Variants in ESCO2 observed in about 807,000 individuals in gnomAD.
The protein encoded by ESCO2 is establishment of sister chromatid cohesion N-acetyltransferase 2, also known as N-acetyltransferase ESCO2.
ESCO2 carries 51 observed loss-of-function variants against 61.7 expected under a neutral mutation model. The ratio of observed to expected loss-of-function variants is 0.83; its 90% CI spans 0.66 to 1.04. The LOEUF (loss-of-function observed/expected upper bound fraction) is 1.04, where lower values mean the gene tolerates loss of function less well. Among genes scored for constraint, ESCO2 ranks in the 50% least tolerant of loss-of-function variants. ESCO2 has a pLI of 0.00. For synonymous variants in ESCO2, 230 were observed against 238.2 expected, an observed-to-expected ratio of 0.97 and a Z score of 0.32; for missense variants, 692 against 686.2, an observed-to-expected ratio of 1.01 and a Z score of -0.09.
chr8:27,788,785 C>G, intron 6 of ESCO2, 62 bp from the exon 7 acceptor site: 1 of 1,601,392 alleles, frequency 6.2e-7, no homozygotes. Context: ...GTTATAGGAA[C>G]TTAATTTAGA....
chr8:27,807,314 C>T (rs149922874), downstream of ESCO2, among the ~76,000 whole-genome samples: 16 of 152,266 alleles, frequency 1.1e-4, no homozygotes, highest in East Asian at 3.1e-3. Flanking sequence ...AGCTCTCAAA[C>T]ATCTTGAACA....
At chr8:27,795,313 T>C (rs544337033) in intron 9 of ESCO2, among the ~76,000 whole-genome samples, 8 of 152,334 alleles carry the variant, frequency 5.3e-5, no homozygotes, top group Non-Finnish European at 1.0e-4. Flanking sequence ...CTTTTTAAGA[T>C]AGATCATAGT....
At chr8:27,791,897 T>A in intron 7 of ESCO2, 66 bp from the exon 8 acceptor site, 1 of 1,347,556 alleles carries the variant, frequency 7.4e-7, no homozygotes, top group Non-Finnish European at 1.1e-6. Context: ...CACATCAAAT[T>A]ATTTAATGTT....
At chr8:27,819,055 T>C in the ESCO2 span, among the ~76,000 whole-genome samples, 10 of 152,324 alleles carry the variant, frequency 6.6e-5, no homozygotes, top group South Asian at 2.1e-3. Flanking sequence ...TCATGTTCTA[T>C]TTTTCTGCCT....
At chr8:27,786,237 G>A (rs1805038672) in intron 5 of ESCO2, among the ~76,000 whole-genome samples, 1 of 152,186 alleles carries the variant, frequency 6.6e-6, no homozygotes, top group African/African-American at 2.4e-5. Flanking sequence ...AAAGACAAAA[G>A]GATCTTTTTA....
intron 6 of ESCO2, among the ~76,000 whole-genome samples, 184 bp from the exon 7 acceptor site, chr8:27,788,663 C>T (rs1805104534): frequency 6.6e-6 from 1 of 151,862 alleles, no homozygotes; most frequent in African/African-American, 2.4e-5. Context: ...CTGGCCTGAT[C>T]TCATTTCATT....
At chr8:27,811,807 T>C (rs1473778141), downstream of ESCO2, among the ~76,000 whole-genome samples, 1 of 152,228 alleles carries the variant, frequency 6.6e-6, no homozygotes, top group African/African-American at 2.4e-5. Flanking sequence ...TATATCTTAC[T>C]GAATTTTCTC....
At position 27,803,711 on chromosome 8, in the gene ESCO2, G is replaced by A; in HGVS notation, c.*273G>A. On this transcript the variant is annotated 3_prime_UTR_variant, in exon 11 of 11. Coordinates refer to ENST00000305188, the MANE Select transcript of ESCO2 (RefSeq NM_001017420.3). ...GAATGTTTAATTATGAAACTTTGTAGCTATAACTGGAAAATTACCTGACTC... is the reference window on the plus strand; with the variant it reads ...GAATGTTTAATTATGAAACTTTGTAACTATAACTGGAAAATTACCTGACTC... 8.4e-7 allele frequency: 1 copy of A among 1,195,866 alleles called. No homozygotes were observed. Among genetic ancestry groups the A allele is most frequent in the Non-Finnish European group, 1.0e-6 (1 of 962,278 alleles). 74.1% of individuals were successfully genotyped at this position (1,195,866 alleles called of 1,614,324 possible). A position where few individuals can be genotyped will look rare whatever the true frequency, so the allele number is the denominator to read the frequency against.
the ESCO2 span, among the ~76,000 whole-genome samples, chr8:27,819,119 TCTG>T: frequency 6.6e-6 from 1 of 152,178 alleles, no homozygotes; most frequent in African/African-American, 2.4e-5. Flanking sequence ...AAACTTTTTA[TCTG>T]CTCAGGAAGA....
Position 27,799,603 on chromosome 8 carries a change from G to A in ESCO2, c.1560G>A (p.Arg520=). 6.2e-7 allele frequency: 1 copy of A among 1,613,846 alleles called. No homozygotes were observed. Among genetic ancestry groups the A allele is most frequent in the Non-Finnish European group, 8.5e-7 (1 of 1,179,978 alleles). ...CCCCAAGCTCTACGGAATGTCCTAGGGCTTGGCAATGTTCAGATGTACCAG... is the reference window on the plus strand; with the variant it reads ...CCCCAAGCTCTACGGAATGTCCTAGAGCTTGGCAATGTTCAGATGTACCAG... ...PESPSSTECP[R]AWQCSDVPEP... is the part of the protein sequence containing the mutation. The change falls in exon 10 of 11, where the codon AGG becomes AGA. Residue 520 remains arginine (R), a synonymous_variant. Transcript: ENST00000305188.
At chr8:27,806,858 C>T (rs550884277), downstream of ESCO2, among the ~76,000 whole-genome samples, 1 of 152,184 alleles carries the variant, frequency 6.6e-6, no homozygotes, top group South Asian at 2.1e-4. Context: ...TCCAATAATC[C>T]ACCCACTTCA....
rs1805378816 is a variant in ESCO2 at position 27,799,597 on chromosome 8, T to A, written c.1554T>A (p.Cys518Ter). 6.2e-7 allele frequency: 1 copy of A among 1,614,010 alleles called. No individual in the cohort carries two copies. Among genetic ancestry groups the A allele is most frequent in the Non-Finnish European group, 8.5e-7 (1 of 1,180,000 alleles). ...IGPESPSSTE[C>*]PRAWQCSDVP... is the part of the protein sequence containing the mutation. ...CAGAATCCCCAAGCTCTACGGAATGTCCTAGGGCTTGGCAATGTTCAGATG... is the reference window on the plus strand; with the variant it reads ...CAGAATCCCCAAGCTCTACGGAATGACCTAGGGCTTGGCAATGTTCAGATG... Residue 518 changes from cysteine to a stop codon, truncating the protein, a stop_gained, in exon 10 of 11, where the codon TGT becomes TGA. Coordinates refer to ENST00000305188, the MANE Select transcript of ESCO2 (RefSeq NM_001017420.3). LOFTEE classifies it high-confidence loss of function.
Position 27,804,752 on chromosome 8 carries a change from TG to T in ESCO2, c.*1316del, listed in dbSNP as rs1805524806. ...AAAAGCCTGGGTCCCCAAAAGAATG[TG>T]GAAGTATTAAAATGTATGTAATTAT... On this transcript the variant is annotated 3_prime_UTR_variant, in exon 11 of 11. Transcript: ENST00000305188. The T allele has an allele frequency of 1.5e-5, 15 of 984,286 alleles. No homozygotes were observed. The highest frequency in any genetic ancestry group is 1.8e-5 in the Non-Finnish European group (15 of 828,874). The allele number at this position is 984,286 out of a possible 1,614,324, so 61.0% of individuals were successfully genotyped here.
chr8:27,782,681 C>T (rs1023845198), intron 4 of ESCO2, among the ~76,000 whole-genome samples: 3 of 150,326 alleles, frequency 2.0e-5, no homozygotes, highest in African/African-American at 7.3e-5. Flanking sequence ...AATTTTTTCC[C>T]TTTGTAGAAT....
At chr8:27,802,839 T>C (rs1805480619) in intron 10 of ESCO2, among the ~76,000 whole-genome samples, 1 of 150,710 alleles carries the variant, frequency 6.6e-6, no homozygotes, top group South Asian at 2.1e-4. Flanking sequence ...CTCCGCCTCC[T>C]GGGTTTAAGT....
At chr8:27,773,265 C>CT (rs1414785465), upstream of ESCO2, among the ~76,000 whole-genome samples, 1 of 152,218 alleles carries the variant, frequency 6.6e-6, no homozygotes, top group Admixed American at 6.5e-5. Flanking sequence ...TAACCTAACA[C>CT]TGCCACACAA....
chr8:27,788,879 G>A lies in ESCO2; in HGVS notation c.1164G>A (p.Val388=). ...GTCAGAAACATTTTGGGGCTACTGT[G>A]TGCAAGTCTTGTGGTATGATATATA... The part of the protein sequence containing the change: ...DAGQKHFGAT[V]CKSCGMIYTA... The change falls in exon 7 of 11, where the codon GTG becomes GTA. Residue 388 remains valine (V), a synonymous_variant. Coordinates refer to ENST00000305188, the MANE Select transcript of ESCO2 (RefSeq NM_001017420.3). 1 of 1,614,126 alleles carries A rather than the reference G, an allele frequency of 6.2e-7. No homozygotes were observed. Among genetic ancestry groups the A allele is most frequent in the Non-Finnish European group, 8.5e-7 (1 of 1,180,008 alleles).
intron 9 of ESCO2, among the ~76,000 whole-genome samples, chr8:27,795,854 G>C (rs1805284446): frequency 6.6e-6 from 1 of 152,166 alleles, no homozygotes; most frequent in African/African-American, 2.4e-5. Flanking sequence ...GGATCATGGT[G>C]TACTATGCTT....
intron 2 of ESCO2, 131 bp downstream of exon 2, chr8:27,775,698 C>G (rs2128950811): frequency 1.3e-6 from 1 of 779,806 alleles, no homozygotes; most frequent in Non-Finnish European, 2.2e-6. Context: ...AACCTGATAA[C>G]CTATATTCTA....
Sources: gnomAD v4.1 joint callset for allele counts (sites outside exome capture counted in the v4.1 genomes callset) on GRCh38, gnomAD v4.1.1 for gene constraint, MANE v1.5 for transcripts, NCBI Gene and HGNC (gene_info 2026-07-23, HGNC 2026-07-21) for gene names.